Variants in TRIM14 observed in about 807,000 individuals in gnomAD.
The protein encoded by TRIM14 is tripartite motif containing 14.
In TRIM14, 28 loss-of-function variants were observed where a neutral mutation model predicts 44.5. The ratio of observed to expected loss-of-function variants is 0.63; its 90% confidence interval spans 0.47 to 0.86. TRIM14 has a LOEUF of 0.86. TRIM14 is among the 40% of genes least tolerant of loss of function. The pLI, the probability that TRIM14 is intolerant of heterozygous loss-of-function variation, is 0.00. For synonymous variants in TRIM14, 299 were observed against 269.2 expected (o/e 1.11, Z -1.08); for missense variants, 607 against 611.1 (o/e 0.99, Z 0.07).
intron 3 of TRIM14, among the ~76,000 whole-genome samples, chr9:98,099,284 C>A (rs1396481390): frequency 6.6e-6 from 1 of 151,912 alleles, no homozygotes; most frequent in Non-Finnish European, 1.5e-5. Flanking sequence ...GAAACCCTGT[C>A]TCTACTAAAA....
At chr9:98,103,473 T>C (rs921023854) in intron 2 of TRIM14, among the ~76,000 whole-genome samples, 13 of 152,202 alleles carry the variant, frequency 8.5e-5, no homozygotes, top group African/African-American at 1.4e-4. Flanking sequence ...TTGTACCTTA[T>C]GTAGTTCCAT....
downstream of TRIM14, among the ~76,000 whole-genome samples, chr9:98,068,114 A>C (rs1336525292): frequency 1.3e-5 from 2 of 151,724 alleles, no homozygotes; most frequent in African/African-American, 4.8e-5. Flanking sequence ...GTGTTTATCT[A>C]TTTATATGTT....
downstream of TRIM14, among the ~76,000 whole-genome samples, chr9:98,066,355 A>G (rs1829147383): frequency 6.6e-6 from 1 of 152,136 alleles, no homozygotes; most frequent in Admixed American, 6.5e-5. Flanking sequence ...CATTCTCACA[A>G]GTATATAGTG....
intron 2 of TRIM14, among the ~76,000 whole-genome samples, chr9:98,102,021 A>AG (rs1312878575): frequency 3.0e-4 from 46 of 151,896 alleles, no homozygotes; most frequent in African/African-American, 1.0e-3. Flanking sequence ...AAAAAAAAAA[A>AG]AAAAGAAAAG....
chr9:98,088,041 CG>C, intron 5 of TRIM14, 36 bp from the exon 6 acceptor site: 1 of 1,428,442 alleles, frequency 7.0e-7, no homozygotes, highest in Non-Finnish European at 9.1e-7. Context: ...ACCTGGTGGG[CG>C]GGGCCAGCGC....
chr9:98,056,605 G>T, the TRIM14 span: 4 of 698,926 alleles, frequency 5.7e-6, no homozygotes, highest in Non-Finnish European at 8.8e-6. Context: ...CCCTTCCCGC[G>T]GGAGGCCCCG....
rs1458143888 is a variant in TRIM14, at chr9:98,119,216, G to T, written c.-28C>A. On this transcript the variant is annotated 5_prime_UTR_variant, in exon 1 of 6. Transcript: ENST00000341469. ...ATCTCCACCTCCTCCGGCTCCCCGG[G>T]ACACAGGGCGGGGCTCCCAAGGGAA... The T allele has an allele frequency of 1.3e-6, 2 of 1,560,026 alleles. No individual in the cohort carries two copies. The highest frequency in any genetic ancestry group is 2.5e-5 in the East Asian group (1 of 40,456).
chr9:98,056,800 G>A, the TRIM14 span: 4 of 1,610,900 alleles, frequency 2.5e-6, no homozygotes, highest in Non-Finnish European at 3.4e-6. Flanking sequence ...TGGACCCCGA[G>A]CCGCTGCAAT....
chr9:98,059,148 C>A, the TRIM14 span, among the ~76,000 whole-genome samples: 2 of 151,866 alleles, frequency 1.3e-5, no homozygotes, highest in Middle Eastern at 6.8e-3. Context: ...CTCAGCCTCC[C>A]GAGTAGCTGG....
At chr9:98,092,486 C>T in intron 4 of TRIM14, 1 of 415,714 alleles carries the variant, frequency 2.4e-6, no homozygotes, top group Admixed American at 2.6e-5. Context: ...GGGGCCGCAG[C>T]TCACTCAGCA....
chr9:98,062,085 G>A, the TRIM14 span, among the ~76,000 whole-genome samples: 1 of 151,920 alleles, frequency 6.6e-6, no homozygotes, highest in Admixed American at 6.6e-5. Flanking sequence ...AGCCAGGCGT[G>A]GTGGCGTACT....
chr9:98,077,691 AATTTC>A (rs1425413680), intron 6 of TRIM14, among the ~76,000 whole-genome samples: 1 of 152,118 alleles, frequency 6.6e-6, no homozygotes. Context: ...CAACATGAAC[AATTTC>A]ATTTGATCCT....
At chr9:98,040,814 G>T in the TRIM14 span, among the ~76,000 whole-genome samples, 1 of 151,918 alleles carries the variant, frequency 6.6e-6, no homozygotes. Context: ...CCGACATCAC[G>T]CCCGGCTAAT....
At chr9:98,074,457 A>G (rs114233748) in intron 6 of TRIM14, among the ~76,000 whole-genome samples, 2,173 of 152,274 alleles carry the variant, frequency 0.014, 49 homozygotes, top group African/African-American at 0.05. Flanking sequence ...AGCCTGTAGT[A>G]GCCCCTAGGC....
intron 6 of TRIM14, chr9:98,077,997 G>T: frequency 1.5e-6 from 1 of 679,330 alleles, no homozygotes. Context: ...GGGGGGCAGA[G>T]GGGAGCCCAC....
chr9:98,075,415 GGA>G (rs904319608), intron 6 of TRIM14: 1 of 150,298 alleles, frequency 6.7e-6, no homozygotes, highest in Non-Finnish European at 1.5e-5. Flanking sequence ...GGAAGGAAAG[GGA>G]GAGAGGGAGG....
chr9:98,102,346 A>G lies in TRIM14; in HGVS notation c.304-2182T>C, dbSNP rs982511007. ...AAATAAATCTGCCTTTCTAAACTCAATGCTGTTTTGGTAAATTATTTTATT... is the reference window on the plus strand; with the variant it reads ...AAATAAATCTGCCTTTCTAAACTCAGTGCTGTTTTGGTAAATTATTTTATT... On this transcript the variant is annotated intron_variant, in intron 2 of 5. Coordinates refer to ENST00000341469, the MANE Select transcript of TRIM14 (RefSeq NM_014788.4). Among the ~76,000 whole-genome samples, 5 of 152,114 alleles carry G rather than the reference A, an allele frequency of 3.3e-5. 1 individual carries two copies. Among genetic ancestry groups the G allele is most frequent in the Admixed American group, 2.0e-4 (3 of 15,262 alleles).
Position 98,087,605 on chromosome 9 carries a change from C to G in TRIM14, c.1194G>C (p.Glu398Asp). Reference protein sequence around the residue: ...LDRLGVFLDYEAGVLAFYDVT... With the variant: ...LDRLGVFLDYDAGVLAFYDVT... ...CGTCGTAGAAGGCGAGGACGCCGGC[C>G]TCGTAGTCCAGGAAGACGCCGAGCC... The change falls in exon 6 of 6, where the codon GAG (glutamate) becomes GAC (aspartate). Residue 398 changes from glutamate to aspartate, a missense_variant. Physicochemically the swap from Glu to Asp is conservative, Grantham distance 45. Coordinates refer to ENST00000341469, the MANE Select transcript of TRIM14 (RefSeq NM_014788.4). 6.2e-7 allele frequency: 1 copy of G among 1,601,136 alleles called. No homozygotes were observed. Among genetic ancestry groups the G allele is most frequent in the East Asian group, 2.2e-5 (1 of 44,540 alleles).
chr9:98,063,170 C>T, the TRIM14 span, among the ~76,000 whole-genome samples: 33 of 152,026 alleles, frequency 2.2e-4, no homozygotes, highest in Admixed American at 1.0e-3. Flanking sequence ...TCAGCCCATC[C>T]GCCCGCCCCA....
Sources: allele counts gnomAD v4.1 joint callset (sites outside exome capture counted in the v4.1 genomes callset), GRCh38; gene constraint gnomAD v4.1.1; transcripts MANE v1.5; gene names NCBI Gene and HGNC (gene_info 2026-07-23, HGNC 2026-07-21).